CDH2: variants seen among roughly 807,000 people sequenced by gnomAD.
CDH2 encodes the protein cadherin 2.
A neutral mutation model predicts 92.0 loss-of-function variants in CDH2; 17 were observed. The observed-to-expected ratio is 0.18, with a 90% CI of 0.13 to 0.28. The LOEUF (loss-of-function observed/expected upper bound fraction) is 0.28, where lower values mean the gene tolerates loss of function less well. Among genes scored for constraint, CDH2 ranks in the 10% least tolerant of loss-of-function variants. CDH2 has a pLI of 1.00. For missense variants in CDH2, 862 were observed against 1,133.1 expected, an observed-to-expected ratio of 0.76 and a Z score of 3.44; for synonymous variants, 419 against 415.9, an observed-to-expected ratio of 1.01 and a Z score of -0.09.
Position 27,933,894 on chromosome 18 carries a change from A to G in CDH2, c.1152-770T>C, listed in dbSNP as rs989006171. Among the ~76,000 whole-genome samples the G allele has an allele frequency of 9.2e-5, 14 of 152,366 alleles. No individual in the cohort carries two copies. In the East Asian group the frequency reaches 2.3e-3, roughly 25 times the overall value. On this transcript the variant is annotated intron_variant, in intron 6 of 6. Transcript: ENST00000675173. ...AACTTGTTGACTTGAAGGCCATGGT[A>G]TATTAGCAAATGGTGATAATTTTAG...
At position 27,951,424 on chromosome 18, in the gene CDH2, A is replaced by G. The variant is rs912910902; in HGVS notation, c.*729T>C. On this transcript the variant is annotated 3_prime_UTR_variant, in exon 16 of 16. Transcript: ENST00000269141. Reference sequence around the variant, plus strand: ...CTGAAGTTTCTGCACTTCTCCATAGACTATGCCAATAAAACATTATGTACA... The same window carrying G: ...CTGAAGTTTCTGCACTTCTCCATAGGCTATGCCAATAAAACATTATGTACA... The G allele has an allele frequency of 1.3e-5, 2 of 152,454 alleles. No individual in the cohort carries two copies. Among genetic ancestry groups the G allele is most frequent in the African/African-American group, 4.8e-5 (2 of 41,404 alleles). The allele number at this position is 152,454 out of a possible 1,614,324, so 9.4% of individuals were successfully genotyped here.
chr18:28,071,906 G>A (rs774969444), intron 2 of CDH2, among the ~76,000 whole-genome samples: 7 of 152,028 alleles, frequency 4.6e-5, no homozygotes, highest in East Asian at 1.9e-4. Flanking sequence ...AGGTTTATGC[G>A]ACTTTTAATG....
At chr18:27,981,114 C>T (rs2012038022) in intron 14 of CDH2, among the ~76,000 whole-genome samples, 1 of 152,132 alleles carries the variant, frequency 6.6e-6, no homozygotes, top group African/African-American at 2.4e-5. Flanking sequence ...GCCTCTGAGC[C>T]TCCAATTTTG....
At chr18:28,093,499 A>G (rs1268882592) in intron 2 of CDH2, among the ~76,000 whole-genome samples, 2 of 152,126 alleles carry the variant, frequency 1.3e-5, no homozygotes, top group Non-Finnish European at 2.9e-5. Flanking sequence ...CCCATATGGA[A>G]GATACTATTT....
At chr18:27,994,150 A>G (rs2012510398) in intron 7 of CDH2, among the ~76,000 whole-genome samples, 1 of 152,230 alleles carries the variant, frequency 6.6e-6, no homozygotes, top group Admixed American at 6.5e-5. Flanking sequence ...TTTCCCCTTA[A>G]ATTCTATTGA....
At chr18:28,094,651 A>C (rs944733873) in intron 2 of CDH2, among the ~76,000 whole-genome samples, 2 of 151,718 alleles carry the variant, frequency 1.3e-5, no homozygotes, top group Non-Finnish European at 2.9e-5. Context: ...AAAATTAGAC[A>C]GGTGTGGTGG....
intron 2 of CDH2, among the ~76,000 whole-genome samples, chr18:28,069,505 C>A (rs1292931332): frequency 6.6e-6 from 1 of 152,160 alleles, no homozygotes; most frequent in African/African-American, 2.4e-5. Flanking sequence ...GACTTGGTGA[C>A]AACCAATTCA....
chr18:28,077,720 G>A (rs980026374), intron 2 of CDH2, among the ~76,000 whole-genome samples: 8 of 151,592 alleles, frequency 5.3e-5, no homozygotes, highest in African/African-American at 1.5e-4. Context: ...GTGAAACCCC[G>A]TCTCTGCCAA....
intron 15 of CDH2, among the ~76,000 whole-genome samples, chr18:27,952,855 CAA>C (rs1422558916): frequency 2.0e-5 from 3 of 151,972 alleles, no homozygotes; most frequent in African/African-American, 7.3e-5. Context: ...TGACAAGTGA[CAA>C]AACTATGAAG....
At chr18:27,975,920 C>T (rs1018163036) in intron 14 of CDH2, among the ~76,000 whole-genome samples, 1 of 152,152 alleles carries the variant, frequency 6.6e-6, no homozygotes, top group African/African-American at 2.4e-5. Flanking sequence ...CAAGTCACCT[C>T]TCTGCCCCTC....
At chr18:28,097,995 A>C (rs1356884131) in intron 2 of CDH2, among the ~76,000 whole-genome samples, 2 of 152,198 alleles carry the variant, frequency 1.3e-5, no homozygotes, top group Non-Finnish European at 2.9e-5. Flanking sequence ...CAATTTGTAT[A>C]TCCTGTGTCC....
At chr18:28,096,871 T>A (rs1437548692) in intron 2 of CDH2, among the ~76,000 whole-genome samples, 1 of 152,366 alleles carries the variant, frequency 6.6e-6, no homozygotes, top group Admixed American at 6.5e-5. Flanking sequence ...CTTAAAATAA[T>A]GACAAGCTAA....
chr18:27,952,474 C>T (rs929804102), intron 15 of CDH2, 115 bp from the exon 16 acceptor site: 1 of 755,822 alleles, frequency 1.3e-6, no homozygotes, highest in Non-Finnish European at 2.2e-6. Context: ...TGTAAATTTC[C>T]ATTTACATAC....
chr18:28,125,418 A>C (rs1361403942), intron 2 of CDH2, among the ~76,000 whole-genome samples: 1 of 152,140 alleles, frequency 6.6e-6, no homozygotes, highest in Non-Finnish European at 1.5e-5. Flanking sequence ...TGGAGTAAAA[A>C]AAAATTTTTT....
At chr18:28,008,537 C>G (rs1023941593) in intron 5 of CDH2, among the ~76,000 whole-genome samples, 2 of 151,826 alleles carry the variant, frequency 1.3e-5, no homozygotes, top group African/African-American at 4.8e-5. Context: ...TAGGTGGGAA[C>G]TGAACAATGA....
chr18:28,103,013 A>G (rs1451988992), intron 2 of CDH2, among the ~76,000 whole-genome samples: 2 of 151,720 alleles, frequency 1.3e-5, no homozygotes, highest in Admixed American at 1.3e-4. Context: ...TTGCCTATAA[A>G]AAATACTCTG....
chr18:28,175,297 G>A (rs1246942681), intron 1 of CDH2, among the ~76,000 whole-genome samples: 1 of 152,208 alleles, frequency 6.6e-6, no homozygotes, highest in African/African-American at 2.4e-5. Context: ...AAATCCCCGA[G>A]TCAGGAGAGA....
intron 1 of CDH2, among the ~76,000 whole-genome samples, chr18:28,171,321 A>G (rs1485835953): frequency 6.6e-6 from 1 of 151,796 alleles, no homozygotes; most frequent in African/African-American, 2.4e-5. Context: ...TTGACCCCCT[A>G]TCACTCAATT....
intron 2 of CDH2, among the ~76,000 whole-genome samples, chr18:28,027,846 G>T (rs202003603): frequency 1.2e-4 from 17 of 144,058 alleles, no homozygotes; most frequent in African/African-American, 2.3e-4. Flanking sequence ...GTTTTGTTTT[G>T]TTTTTTTTTT....
Sources: allele counts gnomAD v4.1 joint callset (sites outside exome capture counted in the v4.1 genomes callset), GRCh38; gene constraint gnomAD v4.1.1; transcripts MANE v1.5; gene names NCBI Gene and HGNC (gene_info 2026-07-23, HGNC 2026-07-21).